The following METTL25 variants were observed in gnomAD, a reference collection of about 807,000 sequenced individuals.
The protein encoded by METTL25 is probable methyltransferase-like protein 25.
In METTL25, 64 loss-of-function variants were observed where a neutral mutation model predicts 71.6. The ratio of observed to expected loss-of-function variants is 0.89; its 90% CI spans 0.73 to 1.10. The LOEUF (loss-of-function observed/expected upper bound fraction) is 1.10, where lower values mean the gene tolerates loss of function less well. Among genes scored for constraint, METTL25 ranks in the 50% least tolerant of loss-of-function variants. The pLI is 0.00. For synonymous variants in METTL25, 287 were observed against 250.3 expected (o/e 1.15, Z -1.38); for missense variants, 807 against 707.0 (o/e 1.14, Z -1.60).
At chr12:82,396,552 C>T (rs1214679984) in intron 3 of METTL25, among the ~76,000 whole-genome samples, 4 of 151,912 alleles carry the variant, frequency 2.6e-5, no homozygotes, top group African/African-American at 9.7e-5. Flanking sequence ...GATAGTATTT[C>T]CATAGTTCTC....
intron 3 of METTL25, among the ~76,000 whole-genome samples, chr12:82,393,709 G>T (rs957682835): frequency 1.3e-5 from 2 of 151,996 alleles, no homozygotes; most frequent in African/African-American, 4.8e-5. Context: ...GATCTTAGTG[G>T]AAAGGCTTTC....
intron 9 of METTL25, among the ~76,000 whole-genome samples, chr12:82,471,353 C>G (rs1246322610): frequency 6.6e-6 from 1 of 152,186 alleles, no homozygotes; most frequent in Non-Finnish European, 1.5e-5. Flanking sequence ...CTGGTGCCTA[C>G]AGGGCTTTCA....
At chr12:82,433,696 T>C (rs1889704703) in intron 6 of METTL25, among the ~76,000 whole-genome samples, 1 of 151,604 alleles carries the variant, frequency 6.6e-6, no homozygotes, top group Non-Finnish European at 1.5e-5. Context: ...CAAAAATTGC[T>C]CTTATACTTA....
chr12:82,437,386 A>G (rs1241278060), intron 7 of METTL25, among the ~76,000 whole-genome samples: 1 of 151,660 alleles, frequency 6.6e-6, no homozygotes, highest in Non-Finnish European at 1.5e-5. Context: ...TAGAACCTGT[A>G]TTCTTTCACA....
Position 82,418,403 on chromosome 12 carries a change from T to C in METTL25, c.1280-12490T>C, listed in dbSNP as rs1356962286. Among the ~76,000 whole-genome samples, 6 of 152,126 alleles carry C rather than the reference T, an allele frequency of 3.9e-5. No homozygotes were observed. In the South Asian group the frequency reaches 1.2e-3, roughly 32 times the overall value. ...AAATCATGACTGCATAAAATTATAA[T>C]ATATACTATTCTGCTGTAGCAATTT... On this transcript the variant is annotated intron_variant, in intron 5 of 11. Coordinates refer to ENST00000248306, the MANE Select transcript of METTL25 (RefSeq NM_032230.3).
chr12:82,393,142 AT>A (rs972994460), intron 3 of METTL25, among the ~76,000 whole-genome samples: 2 of 151,364 alleles, frequency 1.3e-5, no homozygotes, highest in East Asian at 3.9e-4. Flanking sequence ...AAATTTTAGG[AT>A]TTTTTTTCTA....
At chr12:82,442,275 G>A (rs1432796278) in intron 8 of METTL25, among the ~76,000 whole-genome samples, 4 of 152,082 alleles carry the variant, frequency 2.6e-5, no homozygotes, top group Admixed American at 2.6e-4. Context: ...ACAAAAACTT[G>A]TACAGAAATG....
chr12:82,380,435 G>A (rs4882550), intron 1 of METTL25, among the ~76,000 whole-genome samples: 280 of 2,936 alleles, frequency 0.095, no homozygotes, highest in East Asian at 0.5. Flanking sequence ...GTATGTGTAT[G>A]TATATATATA....
chr12:82,383,774 T>C (rs969299577), intron 1 of METTL25, among the ~76,000 whole-genome samples: 2 of 152,198 alleles, frequency 1.3e-5, no homozygotes, highest in Non-Finnish European at 2.9e-5. Flanking sequence ...TATATGTTTT[T>C]CTGCCTTGAG....
At chr12:82,383,580 C>A (rs991052729) in intron 1 of METTL25, among the ~76,000 whole-genome samples, 5 of 152,062 alleles carry the variant, frequency 3.3e-5, no homozygotes, top group Non-Finnish European at 7.4e-5. Context: ...GTGCCTGGCA[C>A]ATAGTATACA....
Position 82,385,384 on chromosome 12 carries a change from C to G in METTL25, c.260-1419C>G, listed in dbSNP as rs59679462. Among the ~76,000 whole-genome samples, 512 of 152,024 alleles carry G rather than the reference C, an allele frequency of 3.4e-3. 5 individuals are homozygous for G. The highest frequency in any genetic ancestry group is 0.012 in the African/African-American group (480 of 41,466). The stretch of plus-strand genomic sequence containing the variant: ...GCTATGCTGGAGAAGACTTCATAGC[C>G]TATAGTATGGATTTTTTTGGTAGAA... On this transcript the variant is annotated intron_variant, in intron 1 of 11. Transcript: ENST00000248306.
intron 1 of METTL25, among the ~76,000 whole-genome samples, chr12:82,379,725 G>T (rs1474331694): frequency 6.6e-6 from 1 of 152,174 alleles, no homozygotes. Flanking sequence ...ATGATGCCCA[G>T]TGCTAACCAG....
At chr12:82,451,591 G>C (rs147715189) in intron 8 of METTL25, among the ~76,000 whole-genome samples, 1 of 152,126 alleles carries the variant, frequency 6.6e-6, no homozygotes, top group African/African-American at 2.4e-5. Context: ...ATGCTTACTT[G>C]TTCATACAAT....
chr12:82,434,766 T>G, intron 7 of METTL25, 42 bp downstream of exon 7: 1 of 1,561,968 alleles, frequency 6.4e-7, no homozygotes, highest in Non-Finnish European at 8.8e-7. Flanking sequence ...AGTTTTTCTC[T>G]CAAGTACTCT....
At chr12:82,365,269 A>G (rs1429311332) in intron 1 of METTL25, among the ~76,000 whole-genome samples, 3 of 152,206 alleles carry the variant, frequency 2.0e-5, no homozygotes, top group Non-Finnish European at 2.9e-5. Flanking sequence ...ATTTATTTGA[A>G]GAGACACAAA....
At chr12:82,414,153 T>G (rs1242815575) in intron 5 of METTL25, among the ~76,000 whole-genome samples, 1 of 152,164 alleles carries the variant, frequency 6.6e-6, no homozygotes, top group East Asian at 1.9e-4. Context: ...TAAACTTTAC[T>G]GCCAGCCTTG....
intron 11 of METTL25, 119 bp from the exon 12 acceptor site, chr12:82,478,813 T>C: frequency 1.3e-6 from 1 of 766,656 alleles, no homozygotes; most frequent in South Asian, 2.2e-5. Context: ...AGCATAAGAA[T>C]TTTCTGTGAA....
intron 3 of METTL25, among the ~76,000 whole-genome samples, chr12:82,390,203 CT>C (rs1263443688): frequency 6.6e-6 from 1 of 152,010 alleles, no homozygotes; most frequent in African/African-American, 2.4e-5. Context: ...GCTTAATTCT[CT>C]TTGATAAATT....
intron 5 of METTL25, among the ~76,000 whole-genome samples, chr12:82,419,873 A>G (rs1010625153): frequency 2.6e-5 from 4 of 152,178 alleles, no homozygotes; most frequent in Non-Finnish European, 5.9e-5. Flanking sequence ...ATGTATCTAA[A>G]GGAATTGAAA....
Sources: allele counts gnomAD v4.1 joint callset (sites outside exome capture counted in the v4.1 genomes callset), GRCh38; gene constraint gnomAD v4.1.1; transcripts MANE v1.5; gene names NCBI Gene and HGNC (gene_info 2026-07-23, HGNC 2026-07-21).